DIRAS2: variants seen among roughly 807,000 people sequenced by gnomAD.
DIRAS2 encodes GTP-binding protein Di-Ras2.
A neutral mutation model predicts 13.9 loss-of-function variants in DIRAS2; 5 were observed. The ratio of observed to expected loss-of-function variants is 0.36; its 90% CI spans 0.19 to 0.76. DIRAS2 has a LOEUF of 0.76. Ranked by LOEUF, DIRAS2 falls within the 30% of genes least tolerant of loss-of-function variation. The pLI is 0.53. For missense variants in DIRAS2, 191 were observed against 263.0 expected, an observed-to-expected ratio of 0.73 and a Z score of 1.89; for synonymous variants, 111 against 105.4, an observed-to-expected ratio of 1.05 and a Z score of -0.33.
chr9:90,616,804 A>G (rs1427832698), intron 1 of DIRAS2, among the ~76,000 whole-genome samples: 2 of 152,104 alleles, frequency 1.3e-5, no homozygotes, highest in Non-Finnish European at 2.9e-5. Flanking sequence ...TTTATTTCAC[A>G]AGCATTTATA....
At chr9:90,642,226 C>G (rs1324252075) in intron 1 of DIRAS2, among the ~76,000 whole-genome samples, 1 of 152,178 alleles carries the variant, frequency 6.6e-6, no homozygotes, top group Non-Finnish European at 1.5e-5. Context: ...GCTCTTACAA[C>G]AAGGAAGCGG....
chr9:90,631,779 C>T (rs181392551), intron 1 of DIRAS2, among the ~76,000 whole-genome samples: 121 of 152,276 alleles, frequency 7.9e-4, no homozygotes, highest in African/African-American at 2.5e-3. Context: ...TCATATACCC[C>T]TCTCCTGCCT....
intron 1 of DIRAS2, among the ~76,000 whole-genome samples, chr9:90,635,702 C>T (rs1005060302): frequency 1.3e-5 from 2 of 152,194 alleles, no homozygotes; most frequent in Admixed American, 1.3e-4. Flanking sequence ...CAGAGAAGGC[C>T]CAGGCCATGG....
chr9:90,639,546 C>G (rs909670812), intron 1 of DIRAS2, among the ~76,000 whole-genome samples: 1 of 152,098 alleles, frequency 6.6e-6, no homozygotes, highest in Admixed American at 6.5e-5. Flanking sequence ...AGTTGCTGAC[C>G]TCTGCAATCA....
chr9:90,626,770 G>A (rs1331384606), intron 1 of DIRAS2, among the ~76,000 whole-genome samples: 7 of 152,146 alleles, frequency 4.6e-5, no homozygotes, highest in Admixed American at 1.3e-4. Context: ...GAAAAGAAAC[G>A]AAAGCGGGGA....
chr9:90,635,039 G>A (rs1356482691), intron 1 of DIRAS2, among the ~76,000 whole-genome samples: 1 of 152,196 alleles, frequency 6.6e-6, no homozygotes, highest in African/African-American at 2.4e-5. Flanking sequence ...TTACAGATAA[G>A]AGAACTGAGG....
intron 1 of DIRAS2, among the ~76,000 whole-genome samples, chr9:90,636,697 A>C (rs1349575947): frequency 1.3e-5 from 2 of 152,220 alleles, no homozygotes; most frequent in Non-Finnish European, 2.9e-5. Flanking sequence ...AATTGTGATC[A>C]AGTGTTAACA....
chr9:90,616,279 C>T (rs1825168247), intron 1 of DIRAS2, among the ~76,000 whole-genome samples: 1 of 152,196 alleles, frequency 6.6e-6, no homozygotes, highest in Non-Finnish European at 1.5e-5. Context: ...CACTGAGCTT[C>T]CACTAAACCA....
chr9:90,615,941 T>G (rs915386633), intron 1 of DIRAS2, among the ~76,000 whole-genome samples: 11 of 152,238 alleles, frequency 7.2e-5, no homozygotes, highest in Admixed American at 6.5e-4. Flanking sequence ...ATCTTAAGCT[T>G]CTTTCTACAT....
At chr9:90,629,133 C>T (rs564920063) in intron 1 of DIRAS2, among the ~76,000 whole-genome samples, 2 of 152,182 alleles carry the variant, frequency 1.3e-5, no homozygotes, top group African/African-American at 2.4e-5. Context: ...GGATTACAGG[C>T]GTGAGCCACC....
chr9:90,622,431 A>T (rs1253969762), intron 1 of DIRAS2, among the ~76,000 whole-genome samples: 3 of 151,462 alleles, frequency 2.0e-5, no homozygotes, highest in Admixed American at 6.6e-5. Context: ...ATTTTCTGTC[A>T]GTAACATTTG....
intron 1 of DIRAS2, among the ~76,000 whole-genome samples, chr9:90,634,013 T>G (rs1167246981): frequency 6.6e-6 from 1 of 152,234 alleles, no homozygotes; most frequent in Non-Finnish European, 1.5e-5. Flanking sequence ...ACATGTATAC[T>G]TTTTAAAGAG....
At chr9:90,622,381 G>A (rs1016599941) in intron 1 of DIRAS2, among the ~76,000 whole-genome samples, 1 of 152,034 alleles carries the variant, frequency 6.6e-6, no homozygotes, top group African/African-American at 2.4e-5. Flanking sequence ...ACTGAGAGAA[G>A]GATAATCTTC....
At chr9:90,623,114 C>T (rs1825234886) in intron 1 of DIRAS2, among the ~76,000 whole-genome samples, 2 of 152,148 alleles carry the variant, frequency 1.3e-5, no homozygotes, top group South Asian at 4.1e-4. Flanking sequence ...TGCTCATTGC[C>T]ATTGGTTGTG....
chr9:90,614,015 G>A (rs1200279870), intron 1 of DIRAS2, among the ~76,000 whole-genome samples, 152 bp from the exon 2 acceptor site: 2 of 152,184 alleles, frequency 1.3e-5, no homozygotes, highest in East Asian at 1.9e-4. Flanking sequence ...TGGTCAATCC[G>A]CCGTTTTCAA....
chr9:90,615,695 C>T (rs758094289), intron 1 of DIRAS2, among the ~76,000 whole-genome samples: 2 of 152,148 alleles, frequency 1.3e-5, no homozygotes, highest in Admixed American at 6.5e-5. Context: ...TGCCTCATAA[C>T]ATACTGGAGG....
At chr9:90,614,879 G>A (rs1238545976) in intron 1 of DIRAS2, among the ~76,000 whole-genome samples, 1 of 152,110 alleles carries the variant, frequency 6.6e-6, no homozygotes, top group Non-Finnish European at 1.5e-5. Flanking sequence ...TTTATTCAGG[G>A]ATGTGTAGAT....
At chr9:90,639,011 GA>G (rs1825395598) in intron 1 of DIRAS2, among the ~76,000 whole-genome samples, 1 of 152,104 alleles carries the variant, frequency 6.6e-6, no homozygotes, top group Admixed American at 6.5e-5. Context: ...TTTATTATGA[GA>G]AGGCCTAATG....
chr9:90,640,695 G>C (rs1308871584), intron 1 of DIRAS2, among the ~76,000 whole-genome samples: 2 of 152,160 alleles, frequency 1.3e-5, no homozygotes, highest in Admixed American at 1.3e-4. Flanking sequence ...AGTGAGAATT[G>C]GGGATGGTTG....
Sources: gnomAD v4.1 joint callset for allele counts (sites outside exome capture counted in the v4.1 genomes callset) on GRCh38, gnomAD v4.1.1 for gene constraint, MANE v1.5 for transcripts, NCBI Gene and HGNC (gene_info 2026-07-23, HGNC 2026-07-21) for gene names.